The following KCNMB2 variants were observed in gnomAD, a reference collection of about 807,000 sequenced individuals.
KCNMB2 encodes the protein calcium-activated potassium channel subunit beta-2.
In KCNMB2, 9 loss-of-function variants were observed where a neutral mutation model predicts 24.5. The observed-to-expected ratio is 0.37, with a 90% CI of 0.22 to 0.64. The LOEUF is 0.64. KCNMB2 is among the 30% of genes least tolerant of loss of function. The pLI, the probability that KCNMB2 is intolerant of heterozygous loss-of-function variation, is 0.63. For missense variants in KCNMB2, 226 were observed against 284.3 expected, an observed-to-expected ratio of 0.79 and a Z score of 1.47; for synonymous variants, 109 against 104.4, an observed-to-expected ratio of 1.04 and a Z score of -0.27.
chr3:178,825,707 T>A lies in KCNMB2; in HGVS notation c.176T>A (p.Ile59Asn). Residue 59 changes from isoleucine (I) to asparagine (N), a missense_variant, in exon 3 of 5, where the codon ATC becomes AAC. Ile to Asn is a moderately radical substitution (Grantham distance 149). Coordinates refer to ENST00000452583, the MANE Select transcript of KCNMB2 (RefSeq NM_181361.3). ...GGACTGGCTATGATGGTGTGCTCCATCATGATGTATTTTCTGCTGGGAATC... is the reference window on the plus strand; with the variant it reads ...GGACTGGCTATGATGGTGTGCTCCAACATGATGTATTTTCTGCTGGGAATC... ...LLGLAMMVCS[I>N]MMYFLLGITL... 1 of 1,613,908 alleles carries A rather than the reference T, an allele frequency of 6.2e-7. No individual in the cohort carries two copies. Among genetic ancestry groups the A allele is most frequent in the Non-Finnish European group, 8.5e-7 (1 of 1,179,882 alleles).
intron 1 of KCNMB2, among the ~76,000 whole-genome samples, chr3:178,773,058 C>T (rs946046748): frequency 6.6e-6 from 1 of 152,140 alleles, no homozygotes; most frequent in East Asian, 1.9e-4. Context: ...ACCTCCCCTA[C>T]ATATTCCACA....
At chr3:178,785,157 A>T (rs1034878486) in intron 1 of KCNMB2, among the ~76,000 whole-genome samples, 4 of 152,100 alleles carry the variant, frequency 2.6e-5, no homozygotes, top group African/African-American at 9.6e-5. Flanking sequence ...TTAATCAAAG[A>T]AATGAAAATG....
chr3:178,572,771 G>T (rs1481362562), intron 1 of KCNMB2, among the ~76,000 whole-genome samples: 1 of 152,076 alleles, frequency 6.6e-6, no homozygotes, highest in African/African-American at 2.4e-5. Context: ...AGGAAGAAAA[G>T]CAATCAGCAA....
intron 1 of KCNMB2, among the ~76,000 whole-genome samples, chr3:178,587,108 A>C (rs992112169): frequency 1.3e-5 from 2 of 152,106 alleles, no homozygotes; most frequent in Admixed American, 1.3e-4. Flanking sequence ...GTAATTGGTG[A>C]AGAGGACATG....
chr3:178,782,350 C>G (rs1453532493), intron 1 of KCNMB2, among the ~76,000 whole-genome samples: 1 of 148,166 alleles, frequency 6.7e-6, no homozygotes, highest in Non-Finnish European at 1.5e-5. Flanking sequence ...GTTCTAGATC[C>G]CTGAGGAATC....
At chr3:178,559,732 C>T (rs1029046179) in intron 1 of KCNMB2, among the ~76,000 whole-genome samples, 25 of 149,024 alleles carry the variant, frequency 1.7e-4, no homozygotes, top group African/African-American at 6.2e-4. Flanking sequence ...TTCAAACTGA[C>T]AGCAATTCAT....
At chr3:178,555,242 T>C (rs1716084014) in intron 1 of KCNMB2, among the ~76,000 whole-genome samples, 1 of 152,224 alleles carries the variant, frequency 6.6e-6, no homozygotes, top group Non-Finnish European at 1.5e-5. Flanking sequence ...TAACTCTTCA[T>C]TGTCCACAAA....
At chr3:178,568,850 TA>T (rs1287585427) in intron 1 of KCNMB2, among the ~76,000 whole-genome samples, 11,663 of 107,316 alleles carry the variant, frequency 0.11, 582 homozygotes, top group African/African-American at 0.14. Flanking sequence ...GATAGATAGA[TA>T]GATGATAGAT....
chr3:178,821,288 T>C (rs920932739), intron 2 of KCNMB2, among the ~76,000 whole-genome samples: 7 of 152,144 alleles, frequency 4.6e-5, no homozygotes, highest in Non-Finnish European at 8.8e-5. Flanking sequence ...AGAGGATACA[T>C]AGGGCTGTGG....
chr3:178,774,325 A>T (rs1185085006), intron 1 of KCNMB2, among the ~76,000 whole-genome samples: 1 of 152,198 alleles, frequency 6.6e-6, no homozygotes, highest in East Asian at 1.9e-4. Flanking sequence ...TGAAAAAAGA[A>T]AGAAAGAAAG....
chr3:178,661,646 A>T (rs954431923), intron 1 of KCNMB2, among the ~76,000 whole-genome samples: 1 of 152,128 alleles, frequency 6.6e-6, no homozygotes, highest in Non-Finnish European at 1.5e-5. Context: ...CCAACCCCTG[A>T]TCATTATGCT....
chr3:178,795,459 G>A (rs1002970541), intron 1 of KCNMB2, among the ~76,000 whole-genome samples: 3 of 152,180 alleles, frequency 2.0e-5, no homozygotes, highest in African/African-American at 4.8e-5. Flanking sequence ...ATCTGGGCTG[G>A]CCCAGGGTAA....
chr3:178,579,525 A>G (rs569636020), intron 1 of KCNMB2, among the ~76,000 whole-genome samples: 1 of 152,322 alleles, frequency 6.6e-6, no homozygotes, highest in Non-Finnish European at 1.5e-5. Context: ...AGATCAGAGC[A>G]GAACTGAAGG....
chr3:178,655,389 A>G (rs971308104), intron 1 of KCNMB2, among the ~76,000 whole-genome samples: 5 of 152,124 alleles, frequency 3.3e-5, no homozygotes, highest in African/African-American at 1.2e-4. Flanking sequence ...ATGTAGAATG[A>G]TCTCTGGGTT....
intron 1 of KCNMB2, among the ~76,000 whole-genome samples, chr3:178,607,402 T>G (rs906868920): frequency 5.3e-5 from 8 of 152,176 alleles, no homozygotes; most frequent in Non-Finnish European, 1.0e-4. Flanking sequence ...TGTTTTTGTT[T>G]TTAAAATGCC....
intron 1 of KCNMB2, among the ~76,000 whole-genome samples, chr3:178,722,986 T>G (rs904512912): frequency 6.6e-6 from 1 of 152,136 alleles, no homozygotes; most frequent in Non-Finnish European, 1.5e-5. Context: ...GTCCTTTCGA[T>G]ATTGGGCTGT....
At chr3:178,747,461 T>C (rs1382693175) in intron 1 of KCNMB2, among the ~76,000 whole-genome samples, 2 of 152,190 alleles carry the variant, frequency 1.3e-5, no homozygotes, top group Admixed American at 1.3e-4. Flanking sequence ...TTCTACGGGT[T>C]TATCATGTAT....
At chr3:178,580,208 T>G (rs1480086567) in intron 1 of KCNMB2, among the ~76,000 whole-genome samples, 4 of 152,134 alleles carry the variant, frequency 2.6e-5, no homozygotes, top group African/African-American at 7.2e-5. Context: ...GGATGCAAGG[T>G]TGGTTCAACA....
intron 1 of KCNMB2, among the ~76,000 whole-genome samples, chr3:178,608,735 GA>G (rs1302336122): frequency 6.6e-6 from 1 of 152,050 alleles, no homozygotes; most frequent in East Asian, 1.9e-4. Context: ...CAATTGTTCT[GA>G]TTTTTAGATC....
Sources: gnomAD v4.1 joint callset for allele counts (sites outside exome capture counted in the v4.1 genomes callset) on GRCh38, gnomAD v4.1.1 for gene constraint, MANE v1.5 for transcripts, NCBI Gene and HGNC (gene_info 2026-07-23, HGNC 2026-07-21) for gene names.